METTL8: variants seen among roughly 807,000 people sequenced by gnomAD.
The protein encoded by METTL8 is methyltransferase 8, tRNA N3-cytidine, also known as tRNA N(3)-cytidine methyltransferase METTL8, mitochondrial.
Under a neutral mutation model 48.7 loss-of-function variants are expected in METTL8, and 32 were observed. The ratio of observed to expected loss-of-function variants is 0.66; its 90% CI spans 0.50 to 0.88. The LOEUF (loss-of-function observed/expected upper bound fraction) is 0.88, where lower values mean the gene tolerates loss of function less well. Among genes scored for constraint, METTL8 ranks in the 40% least tolerant of loss-of-function variants. METTL8 has a pLI of 0.00. For synonymous variants in METTL8, 136 were observed against 157.1 expected (o/e 0.87, Z 1.01); for missense variants, 464 against 474.4 (o/e 0.98, Z 0.20).
At chr2:171,430,321 G>A (rs1328595792) in intron 1 of METTL8, among the ~76,000 whole-genome samples, 4 of 151,636 alleles carry the variant, frequency 2.6e-5, no homozygotes, top group Admixed American at 6.6e-5. Context: ...TAGCCCCACC[G>A]CACTCCAGCC....
intron 2 of METTL8, among the ~76,000 whole-genome samples, chr2:171,368,119 CAATT>C (rs936683059): frequency 2.0e-5 from 3 of 152,226 alleles, no homozygotes; most frequent in Non-Finnish European, 2.9e-5. Context: ...AAAAATGAAA[CAATT>C]AAAAAATTTT....
intron 3 of METTL8, among the ~76,000 whole-genome samples, chr2:171,350,907 G>A (rs1213602984): frequency 6.6e-6 from 1 of 152,168 alleles, no homozygotes; most frequent in Non-Finnish European, 1.5e-5. Context: ...CTCCCATTCT[G>A]TAGGTTGCCT....
intron 3 of METTL8, among the ~76,000 whole-genome samples, chr2:171,351,277 G>T (rs1418024109): frequency 6.6e-6 from 1 of 152,124 alleles, no homozygotes; most frequent in Non-Finnish European, 1.5e-5. Context: ...GGTTATAGAT[G>T]TGTGGTATTA....
chr2:171,356,146 T>C (rs1424443872), intron 3 of METTL8, among the ~76,000 whole-genome samples: 1 of 152,124 alleles, frequency 6.6e-6, no homozygotes, highest in Non-Finnish European at 1.5e-5. Flanking sequence ...TAGAAACATT[T>C]ATTCTCTTCC....
chr2:171,428,435 C>T (rs537780233), intron 1 of METTL8, among the ~76,000 whole-genome samples: 6 of 151,884 alleles, frequency 4.0e-5, no homozygotes, highest in African/African-American at 4.8e-5. Flanking sequence ...GCGGGATGAT[C>T]GCTTGAGCCC....
intron 2 of METTL8, among the ~76,000 whole-genome samples, chr2:171,374,471 G>C (rs1407569698): frequency 6.6e-6 from 1 of 152,152 alleles, no homozygotes; most frequent in Non-Finnish European, 1.5e-5. Context: ...ATGTATGGAA[G>C]TAACTTTTTT....
At chr2:171,371,461 A>G (rs150375632) in intron 2 of METTL8, among the ~76,000 whole-genome samples, 2,417 of 152,218 alleles carry the variant, frequency 0.016, 24 homozygotes, top group Non-Finnish European at 0.026. Context: ...GGTTCAAGTG[A>G]TTCTCCTGCC....
intron 1 of METTL8, among the ~76,000 whole-genome samples, chr2:171,392,783 A>C (rs891803454): frequency 6.6e-6 from 1 of 152,168 alleles, no homozygotes; most frequent in African/African-American, 2.4e-5. Flanking sequence ...ATATGGATGC[A>C]AAATAGATTT....
intron 2 of METTL8, 101 bp downstream of exon 2, chr2:171,391,942 G>T: frequency 2.5e-6 from 3 of 1,195,550 alleles, no homozygotes; most frequent in Non-Finnish European, 3.5e-6. Context: ...CATGAGTTAG[G>T]TCATCAGCTT....
chr2:171,319,188 T>G lies in METTL8; in HGVS notation c.*4984A>C, dbSNP rs1684405682. On this transcript the variant is annotated 3_prime_UTR_variant, in exon 10 of 10. Coordinates refer to ENST00000375258, the MANE Select transcript of METTL8 (RefSeq NM_001321154.2). ...TGCTGGAATACTGTGTGTACTGCCT[T>G]GTAGATTAATAACAATACCTCACAT... The G allele has an allele frequency of 6.6e-6, 1 of 152,160 alleles. No homozygotes were observed. The highest frequency in any genetic ancestry group is 2.1e-4 in the South Asian group (1 of 4,824). 9.4% of individuals were successfully genotyped at this position (152,160 alleles called of 1,614,324 possible). A position where few individuals can be genotyped will look rare whatever the true frequency, so the allele number is the denominator to read the frequency against.
chr2:171,356,320 G>T (rs1684534576), intron 3 of METTL8, among the ~76,000 whole-genome samples: 1 of 152,062 alleles, frequency 6.6e-6, no homozygotes, highest in African/African-American at 2.4e-5. Context: ...TATATTTTTG[G>T]TAGAGATAGG....
Position 171,360,443 on chromosome 2 carries a change from G to A in METTL8, c.214C>T (p.Arg72Ter), listed in dbSNP as rs779685244. 3.7e-6 allele frequency: 6 copies of A among 1,613,532 alleles called. No homozygotes were observed. Among genetic ancestry groups the A allele is most frequent in the African/African-American group, 2.7e-5 (2 of 74,882 alleles). ...CTACCTTGCTCTTCCAGAAGGACTC[G>A]CACAGCTGAGTTTTCTTTTACTTTT... Reference protein sequence around the residue: ...RKKVKENSAVRVLLEEQVKYE... With the variant: ...RKKVKENSAV Residue 72 changes from arginine (R) to a stop codon, truncating the protein, a stop_gained, in exon 3 of 10, where the codon CGA becomes TGA. Coordinates refer to ENST00000375258, the MANE Select transcript of METTL8 (RefSeq NM_001321154.2). LOFTEE classifies it high-confidence loss of function.
At chr2:171,353,811 G>A (rs1264995662) in intron 3 of METTL8, among the ~76,000 whole-genome samples, 1 of 151,872 alleles carries the variant, frequency 6.6e-6, no homozygotes, top group African/African-American at 2.4e-5. Context: ...CCATTTGCTT[G>A]GTAGATCTTC....
At chr2:171,412,319 C>A (rs1407659867) in intron 1 of METTL8, among the ~76,000 whole-genome samples, 1 of 152,134 alleles carries the variant, frequency 6.6e-6, no homozygotes, top group African/African-American at 2.4e-5. Context: ...CAACATCCAG[C>A]AAAAGAAAAG....
chr2:171,358,125 C>A (rs575331816), intron 3 of METTL8, among the ~76,000 whole-genome samples: 1 of 151,892 alleles, frequency 6.6e-6, no homozygotes, highest in Non-Finnish European at 1.5e-5. Flanking sequence ...CAGAGGTGGG[C>A]GGATCATCTG....
chr2:171,420,291 C>T (rs992799560), intron 1 of METTL8, among the ~76,000 whole-genome samples: 2 of 152,126 alleles, frequency 1.3e-5, no homozygotes, highest in African/African-American at 4.8e-5. Flanking sequence ...GCTTTTGACT[C>T]CTGGTATGAT....
intron 1 of METTL8, among the ~76,000 whole-genome samples, chr2:171,407,267 G>T (rs1690282613): frequency 6.6e-6 from 1 of 152,020 alleles, no homozygotes; most frequent in South Asian, 2.1e-4. Context: ...GATCACTTGA[G>T]CCCAGGATTT....
intron 1 of METTL8, among the ~76,000 whole-genome samples, chr2:171,424,958 G>T (rs939652741): frequency 6.6e-6 from 1 of 152,146 alleles, no homozygotes; most frequent in African/African-American, 2.4e-5. Context: ...GGGACCCAGT[G>T]GGAGGTAACT....
intron 1 of METTL8, among the ~76,000 whole-genome samples, chr2:171,419,670 G>C (rs921465232): frequency 6.6e-6 from 1 of 152,076 alleles, no homozygotes; most frequent in African/African-American, 2.4e-5. Context: ...CCTTCAGTGA[G>C]GTTATTGCAT....
Sources: gnomAD v4.1 joint callset for allele counts (sites outside exome capture counted in the v4.1 genomes callset) on GRCh38, gnomAD v4.1.1 for gene constraint, MANE v1.5 for transcripts, NCBI Gene and HGNC (gene_info 2026-07-23, HGNC 2026-07-21) for gene names.